The following CACNA2D3 variants were observed in gnomAD, a reference collection of about 807,000 sequenced individuals.
The protein encoded by CACNA2D3 is calcium voltage-gated channel auxiliary subunit alpha2delta 3.
Under a neutral mutation model 160.6 loss-of-function variants are expected in CACNA2D3, and 60 were observed. That is an observed-to-expected ratio of 0.37 (90% confidence interval 0.30 to 0.46). CACNA2D3 has a LOEUF of 0.46. Among genes scored for constraint, CACNA2D3 ranks in the 20% least tolerant of loss-of-function variants. The probability of loss-of-function intolerance (pLI) is 1.00; values close to 1 mark genes in which losing one functional copy is unlikely to be tolerated. For synonymous variants in CACNA2D3, 558 were observed against 492.9 expected (o/e 1.13, Z -1.75); for missense variants, 1,205 against 1,365.0 (o/e 0.88, Z 1.85).
At chr3:54,822,769 T>TTCTTTCTTTC in intron 14 of CACNA2D3, among the ~76,000 whole-genome samples, 1 of 90,188 alleles carries the variant, frequency 1.1e-5, no homozygotes, top group South Asian at 3.9e-4. Context: ...TTTCTTTCTT[T>TTCTTTCTTTC]CTTTCTTTCT....
intron 29 of CACNA2D3, among the ~76,000 whole-genome samples, chr3:54,970,449 C>CTCCTTTCTT (rs1559450807): frequency 1.7e-5 from 1 of 57,388 alleles, no homozygotes; most frequent in South Asian, 7.3e-4. Flanking sequence ...CCTCCCCTCC[C>CTCCTTTCTT]CTCCTCTCCT....
At chr3:54,634,009 C>T (rs543646515) in intron 10 of CACNA2D3, among the ~76,000 whole-genome samples, 3 of 152,290 alleles carry the variant, frequency 2.0e-5, no homozygotes, top group African/African-American at 7.2e-5. Context: ...TTCCATTCAT[C>T]CATTTATCTA....
At chr3:54,141,380 TA>T (rs1699931087) in intron 2 of CACNA2D3, among the ~76,000 whole-genome samples, 1 of 152,154 alleles carries the variant, frequency 6.6e-6, no homozygotes, top group African/African-American at 2.4e-5. Context: ...TTGCCTTGTT[TA>T]TTGCAATAGT....
chr3:54,362,965 G>A (rs976585377), intron 3 of CACNA2D3, among the ~76,000 whole-genome samples: 1 of 152,178 alleles, frequency 6.6e-6, no homozygotes, highest in African/African-American at 2.4e-5. Context: ...GGGAGGCTGA[G>A]GCAAGTGGAT....
At chr3:54,923,582 T>C (rs1046390286) in intron 27 of CACNA2D3, among the ~76,000 whole-genome samples, 1 of 152,244 alleles carries the variant, frequency 6.6e-6, no homozygotes, top group Non-Finnish European at 1.5e-5. Context: ...CATCTGTTTC[T>C]ACTACCAGAA....
intron 35 of CACNA2D3, among the ~76,000 whole-genome samples, chr3:55,033,844 T>A (rs1321987107): frequency 1.8e-5 from 2 of 111,412 alleles, no homozygotes; most frequent in African/African-American, 8.1e-5. Context: ...ATAATATATA[T>A]TACATATTAA....
At chr3:54,139,344 T>C (rs899776660) in intron 2 of CACNA2D3, among the ~76,000 whole-genome samples, 1 of 152,238 alleles carries the variant, frequency 6.6e-6, no homozygotes, top group Non-Finnish European at 1.5e-5. Flanking sequence ...CTCGGGGTGC[T>C]GTCCAGCAGG....
intron 4 of CACNA2D3, among the ~76,000 whole-genome samples, chr3:54,418,465 C>G (rs1364357252): frequency 6.6e-6 from 1 of 151,990 alleles, no homozygotes; most frequent in Non-Finnish European, 1.5e-5. Context: ...TTTTTGAAAT[C>G]CAGGTCAAGA....
At chr3:54,618,853 C>T (rs949569992) in intron 9 of CACNA2D3, among the ~76,000 whole-genome samples, 6 of 152,200 alleles carry the variant, frequency 3.9e-5, no homozygotes, top group Admixed American at 3.3e-4. Context: ...GCTATCAATA[C>T]GTACCTCTTC....
chr3:54,805,731 C>G (rs894466575), intron 13 of CACNA2D3, among the ~76,000 whole-genome samples: 2 of 152,148 alleles, frequency 1.3e-5, no homozygotes, highest in Non-Finnish European at 2.9e-5. Context: ...ACACCAAAGC[C>G]GGGCAGAGAC....
At chr3:54,627,614 T>C (rs1453978939) in intron 9 of CACNA2D3, among the ~76,000 whole-genome samples, 173 bp from the exon 10 acceptor site, 1 of 152,220 alleles carries the variant, frequency 6.6e-6, no homozygotes, top group African/African-American at 2.4e-5. Context: ...ATATTGAAGG[T>C]AAGTTTTACA....
chr3:54,921,932 T>A (rs1014308927), intron 27 of CACNA2D3, among the ~76,000 whole-genome samples: 8 of 148,956 alleles, frequency 5.4e-5, no homozygotes, highest in African/African-American at 1.9e-4. Flanking sequence ...AAGAAGATCT[T>A]GACTCATATC....
At position 54,426,687 on chromosome 3, in the gene CACNA2D3, G is replaced by A. The variant is rs962824291; in HGVS notation, c.381+39913G>A. On this transcript the variant is annotated intron_variant, in intron 4 of 37. Transcript: ENST00000474759. Reference sequence around the variant, plus strand: ...TGAAATGTGTGTGCCACAAATAGAGGATAGATGCTGTGTCTGTCCCTTGAG... The same window carrying A: ...TGAAATGTGTGTGCCACAAATAGAGAATAGATGCTGTGTCTGTCCCTTGAG... Among the ~76,000 whole-genome samples, 2 of 152,182 alleles carry A rather than the reference G, an allele frequency of 1.3e-5. 1 individual carries two copies. Among genetic ancestry groups the A allele is most frequent in the South Asian group, 4.1e-4 (2 of 4,828 alleles).
chr3:54,880,142 A>C (rs1032027045), intron 20 of CACNA2D3, among the ~76,000 whole-genome samples: 9 of 152,242 alleles, frequency 5.9e-5, no homozygotes, highest in Non-Finnish European at 1.0e-4. Context: ...GGTGGATTCC[A>C]TGTGGAACCA....
chr3:54,621,160 C>T (rs1042068812), intron 9 of CACNA2D3, among the ~76,000 whole-genome samples: 19 of 152,178 alleles, frequency 1.2e-4, no homozygotes, highest in Admixed American at 9.8e-4. Flanking sequence ...TTGTTTTGTC[C>T]GCTGATGTCC....
chr3:54,986,347 A>G (rs73845241), intron 30 of CACNA2D3, among the ~76,000 whole-genome samples: 6,862 of 152,132 alleles, frequency 0.045, 179 homozygotes, highest in Middle Eastern at 0.085. Context: ...GGCTTGTTTG[A>G]TGTTGTCTGA....
At chr3:54,240,811 G>A (rs1165071163) in intron 2 of CACNA2D3, among the ~76,000 whole-genome samples, 1 of 152,072 alleles carries the variant, frequency 6.6e-6, no homozygotes, top group African/African-American at 2.4e-5. Context: ...GTGCGATCTC[G>A]GCTCACTGCG....
intron 28 of CACNA2D3, 34 bp from the exon 29 acceptor site, chr3:54,969,766 G>GT: frequency 6.2e-7 from 1 of 1,607,142 alleles, no homozygotes; most frequent in Non-Finnish European, 8.5e-7. Flanking sequence ...AAGTAACATA[G>GT]TAACACATTT....
chr3:54,257,193 A>G (rs1702313346), intron 2 of CACNA2D3, among the ~76,000 whole-genome samples: 1 of 152,228 alleles, frequency 6.6e-6, no homozygotes, highest in Non-Finnish European at 1.5e-5. Flanking sequence ...TGCTTTGATC[A>G]ATATCATAAT....
Sources: gnomAD v4.1 joint callset for allele counts (sites outside exome capture counted in the v4.1 genomes callset) on GRCh38, gnomAD v4.1.1 for gene constraint, MANE v1.5 for transcripts, NCBI Gene and HGNC (gene_info 2026-07-23, HGNC 2026-07-21) for gene names.